Variants in PALLD observed in about 807,000 individuals in gnomAD.
The protein encoded by PALLD is palladin.
A neutral mutation model predicts 123.5 loss-of-function variants in PALLD; 61 were observed. The observed-to-expected ratio is 0.49, with a 90% CI of 0.40 to 0.61. PALLD has a LOEUF of 0.61. PALLD is among the 20% of genes least tolerant of loss of function. The pLI, the probability that PALLD is intolerant of heterozygous loss-of-function variation, is 0.00. For synonymous variants in PALLD, 465 were observed against 496.4 expected, an observed-to-expected ratio of 0.94 and a Z score of 0.84; for missense variants, 1,273 against 1,377.0, an observed-to-expected ratio of 0.92 and a Z score of 1.20.
intron 10 of PALLD, among the ~76,000 whole-genome samples, chr4:168,745,943 T>G (rs895244492): frequency 6.6e-6 from 1 of 152,184 alleles, no homozygotes; most frequent in East Asian, 1.9e-4. Flanking sequence ...ATCTGCTACA[T>G]GTACTCAAGA....
chr4:168,786,973 A>G (rs114366379), intron 10 of PALLD, among the ~76,000 whole-genome samples: 5,432 of 152,318 alleles, frequency 0.036, 143 homozygotes, highest in South Asian at 0.085. Context: ...AACAAGGTCT[A>G]TATATCAAAC....
At chr4:168,727,054 T>C (rs1223709447) in intron 10 of PALLD, among the ~76,000 whole-genome samples, 1 of 152,212 alleles carries the variant, frequency 6.6e-6, no homozygotes, top group Non-Finnish European at 1.5e-5. Context: ...AAGTACATGA[T>C]TTCATTCTTT....
At chr4:168,862,217 A>G (rs1422748711) in intron 10 of PALLD, among the ~76,000 whole-genome samples, 1 of 151,996 alleles carries the variant, frequency 6.6e-6, no homozygotes, top group Non-Finnish European at 1.5e-5. Context: ...TCCAGTCTGG[A>G]GTGTAGTGGC....
intron 10 of PALLD, chr4:168,863,780 A>T (rs1749856667): frequency 6.6e-6 from 1 of 152,220 alleles, no homozygotes; most frequent in Non-Finnish European, 1.5e-5. Context: ...ACACCAAAGA[A>T]AAAAATCACC....
intron 2 of PALLD, among the ~76,000 whole-genome samples, chr4:168,570,202 C>T (rs1346538806): frequency 1.3e-5 from 2 of 152,176 alleles, no homozygotes; most frequent in Non-Finnish European, 2.9e-5. Context: ...AACAACCATT[C>T]AATAATTGTC....
intron 10 of PALLD, among the ~76,000 whole-genome samples, chr4:168,713,952 T>G (rs1240764046): frequency 4.8e-5 from 7 of 146,486 alleles, no homozygotes; most frequent in Admixed American, 6.8e-5. Context: ...GTTTTTTTTT[T>G]TTTTTTTTTT....
intron 2 of PALLD, among the ~76,000 whole-genome samples, chr4:168,593,561 A>G (rs1363725024): frequency 2.0e-5 from 3 of 152,188 alleles, no homozygotes; most frequent in Non-Finnish European, 4.4e-5. Context: ...TTGGCAAGTT[A>G]TCATCTAGCC....
Position 168,566,672 on chromosome 4 carries a change from T to C in PALLD, c.908+54260T>C, listed in dbSNP as rs1768424649. Among the ~76,000 whole-genome samples, 3 of 152,192 alleles carry C rather than the reference T, an allele frequency of 2.0e-5. No individual in the cohort carries two copies. In the South Asian group the frequency reaches 6.2e-4, roughly 31 times the overall value. On this transcript the variant is annotated intron_variant, in intron 2 of 21. Transcript: ENST00000505667. ...AAGAGTCCATGAAGATACAAACATG[T>C]TCTGTTCAATAAACATATTGTTGTT...
intron 10 of PALLD, among the ~76,000 whole-genome samples, chr4:168,884,178 C>T (rs1292450765): frequency 6.6e-6 from 1 of 152,178 alleles, no homozygotes; most frequent in African/African-American, 2.4e-5. Flanking sequence ...TCAAAATACT[C>T]CACTTTTATT....
At chr4:168,849,696 C>T (rs1246504220) in intron 10 of PALLD, among the ~76,000 whole-genome samples, 1 of 151,992 alleles carries the variant, frequency 6.6e-6, no homozygotes, top group Non-Finnish European at 1.5e-5. Context: ...ACATTTATAA[C>T]CTCACTTAAA....
intron 10 of PALLD, among the ~76,000 whole-genome samples, chr4:168,837,827 G>A (rs1019306497): frequency 1.6e-4 from 25 of 152,236 alleles, no homozygotes; most frequent in African/African-American, 5.5e-4. Context: ...AGCAGTGAAT[G>A]AAATGGACAA....
intron 1 of PALLD, among the ~76,000 whole-genome samples, chr4:168,497,606 A>G (rs1760885507): frequency 6.6e-6 from 1 of 152,234 alleles, no homozygotes; most frequent in South Asian, 2.1e-4. Flanking sequence ...ATGATGGCTT[A>G]AAGTGATAGA....
chr4:168,711,433 G>A, intron 9 of PALLD, 148 bp from the exon 10 acceptor site: 1 of 673,158 alleles, frequency 1.5e-6, no homozygotes, highest in Non-Finnish European at 2.6e-6. Context: ...AGCTGGCAGT[G>A]CTTCTGCGTC....
intron 10 of PALLD, among the ~76,000 whole-genome samples, chr4:168,838,096 C>A (rs536774673): frequency 2.6e-5 from 4 of 152,174 alleles, no homozygotes; most frequent in Non-Finnish European, 5.9e-5. Context: ...CATTTTATGT[C>A]GTAACACCAA....
chr4:168,664,157 T>C (rs1170103396), intron 2 of PALLD, among the ~76,000 whole-genome samples: 35 of 152,258 alleles, frequency 2.3e-4, no homozygotes, highest in Non-Finnish European at 2.9e-5. Context: ...ATGAAATTTT[T>C]TCTCATTGAG....
intron 2 of PALLD, among the ~76,000 whole-genome samples, chr4:168,572,175 C>A (rs1054660018): frequency 6.6e-6 from 1 of 152,094 alleles, no homozygotes; most frequent in African/African-American, 2.4e-5. Flanking sequence ...GCAGTGAAAC[C>A]TCCCTCTGCA....
chr4:168,735,391 C>A (rs1488658007), intron 10 of PALLD, among the ~76,000 whole-genome samples: 1 of 152,212 alleles, frequency 6.6e-6, no homozygotes, highest in Non-Finnish European at 1.5e-5. Context: ...ACGTCCTTCA[C>A]TTTCCTGAGA....
At chr4:168,793,215 A>G (rs1404783107) in intron 10 of PALLD, among the ~76,000 whole-genome samples, 3 of 48,478 alleles carry the variant, frequency 6.2e-5, no homozygotes, top group South Asian at 8.5e-4. Context: ...ATATACATAT[A>G]TATGTGTGCA....
At chr4:168,783,042 A>ATG (rs1238465198) in intron 10 of PALLD, among the ~76,000 whole-genome samples, 141 of 96,900 alleles carry the variant, frequency 1.5e-3, no homozygotes, top group African/African-American at 5.5e-3. Context: ...AATTTTATAT[A>ATG]TATATGTGTG....
Sources: gnomAD v4.1 joint callset for allele counts (sites outside exome capture counted in the v4.1 genomes callset) on GRCh38, gnomAD v4.1.1 for gene constraint, MANE v1.5 for transcripts, NCBI Gene and HGNC (gene_info 2026-07-23, HGNC 2026-07-21) for gene names.